Variants in LAMA2 observed in about 807,000 individuals in gnomAD.
LAMA2 encodes laminin subunit alpha-2.
LAMA2 carries 269 observed loss-of-function variants against 364.8 expected under a neutral mutation model. That is an observed-to-expected ratio of 0.74 (90% CI 0.67 to 0.82). LAMA2 has a LOEUF of 0.82. Among genes scored for constraint, LAMA2 ranks in the 40% least tolerant of loss-of-function variants. The pLI, the probability that LAMA2 is intolerant of heterozygous loss-of-function variation, is 0.00. For missense variants in LAMA2, 3,807 were observed against 3,873.2 expected (o/e 0.98, Z 0.45); for synonymous variants, 1,379 against 1,370.6 (o/e 1.01, Z -0.14).
chr6:129,451,834 C>G (rs1782690851), intron 45 of LAMA2, among the ~76,000 whole-genome samples: 1 of 152,142 alleles, frequency 6.6e-6, no homozygotes, highest in Admixed American at 6.5e-5. Context: ...GGAGACACCT[C>G]CTGGTGTCAT....
chr6:129,054,233 A>C (rs1788304618), intron 2 of LAMA2, among the ~76,000 whole-genome samples: 1 of 152,214 alleles, frequency 6.6e-6, no homozygotes, highest in Non-Finnish European at 1.5e-5. Flanking sequence ...TAATCAGAAT[A>C]AAGTGGCAAT....
At chr6:129,264,632 A>G (rs1227452256) in intron 15 of LAMA2, among the ~76,000 whole-genome samples, 1 of 152,134 alleles carries the variant, frequency 6.6e-6, no homozygotes, top group East Asian at 1.9e-4. Context: ...GGAGCTCCTG[A>G]CGTTAAGAAG....
Position 129,478,718 on chromosome 6 carries a change from T to A in LAMA2, c.7477T>A (p.Ser2493Thr), listed in dbSNP as rs759762587. 2 of 1,613,380 alleles carry A rather than the reference T, an allele frequency of 1.2e-6. No individual in the cohort carries two copies. The highest frequency in any genetic ancestry group is 1.7e-6 in the Non-Finnish European group (2 of 1,179,512). ...GCCAGAAGTAAATCTGAAGAAATAT[T>A]CCGGCTGCCTCAAAGATATTGAAAT... ...ARPEVNLKKY[S>T]GCLKDIEISR... Residue 2493 changes from serine (S) to threonine (T), a missense_variant, in exon 54 of 65, where the codon TCC becomes ACC. Ser to Thr is a moderately conservative substitution (Grantham distance 58, BLOSUM62 1). Transcript: ENST00000421865.
chr6:129,457,649 A>C (rs1442515013), intron 48 of LAMA2, among the ~76,000 whole-genome samples: 3 of 152,070 alleles, frequency 2.0e-5, no homozygotes, highest in Admixed American at 6.6e-5. Flanking sequence ...ATTTACATGA[A>C]TTAACTTGTT....
At chr6:129,419,643 G>C (rs887079080) in intron 40 of LAMA2, among the ~76,000 whole-genome samples, 19 of 152,198 alleles carry the variant, frequency 1.2e-4, no homozygotes, top group African/African-American at 4.1e-4. Context: ...CCTTCTTGGT[G>C]TTCCCATAAA....
intron 1 of LAMA2, among the ~76,000 whole-genome samples, chr6:128,977,018 G>A (rs1782569555): frequency 6.6e-6 from 1 of 152,124 alleles, no homozygotes; most frequent in South Asian, 2.1e-4. Context: ...TGTGTTTATG[G>A]ATATATTTTA....
intron 17 of LAMA2, among the ~76,000 whole-genome samples, chr6:129,271,278 C>T (rs1787914872): frequency 6.6e-6 from 1 of 151,898 alleles, no homozygotes; most frequent in Non-Finnish European, 1.5e-5. Context: ...AGAACAACCA[C>T]CTCTTAGAGC....
At chr6:129,264,939 A>G (rs1453498943) in intron 15 of LAMA2, among the ~76,000 whole-genome samples, 1 of 152,172 alleles carries the variant, frequency 6.6e-6, no homozygotes, top group Non-Finnish European at 1.5e-5. Flanking sequence ...GTTACTGAAA[A>G]GAAAAACATA....
chr6:129,010,497 G>A (rs1038913121), intron 1 of LAMA2, among the ~76,000 whole-genome samples: 8 of 152,112 alleles, frequency 5.3e-5, no homozygotes, highest in Non-Finnish European at 1.0e-4. Context: ...CAAGAGAAAA[G>A]GGATTTAAAA....
At chr6:128,929,258 A>ATGGCTAAG in intron 1 of LAMA2, 4 of 1,415,006 alleles carry the variant, frequency 2.8e-6, no homozygotes, top group Non-Finnish European at 4.0e-6. Context: ...GAGACCGTCA[A>ATGGCTAAG]TGGCTAAGTT....
At chr6:129,144,653 C>T (rs761229331) in intron 5 of LAMA2, among the ~76,000 whole-genome samples, 6 of 151,930 alleles carry the variant, frequency 3.9e-5, no homozygotes, top group African/African-American at 9.7e-5. Flanking sequence ...GCTGATGTTG[C>T]CGGTTTGTGG....
At chr6:129,095,282 A>G (rs1278718914) in intron 3 of LAMA2, among the ~76,000 whole-genome samples, 1 of 152,184 alleles carries the variant, frequency 6.6e-6, no homozygotes, top group African/African-American at 2.4e-5. Context: ...GAAACAAAAG[A>G]CATCATTCTA....
intron 1 of LAMA2, among the ~76,000 whole-genome samples, chr6:128,995,613 C>T (rs139897990): frequency 1.4e-3 from 209 of 152,310 alleles, no homozygotes; most frequent in African/African-American, 4.7e-3. Flanking sequence ...CATGAACCAC[C>T]GCACCTGGCC....
At chr6:129,139,999 A>C (rs946297726) in intron 4 of LAMA2, among the ~76,000 whole-genome samples, 1 of 152,156 alleles carries the variant, frequency 6.6e-6, no homozygotes, top group African/African-American at 2.4e-5. Flanking sequence ...ATGATCTTTC[A>C]GTAGCCTTCA....
chr6:129,068,791 T>G (rs1341548261), intron 3 of LAMA2, among the ~76,000 whole-genome samples: 2 of 152,238 alleles, frequency 1.3e-5, no homozygotes, highest in African/African-American at 2.4e-5. Flanking sequence ...AAAAGAGATG[T>G]TAATTATTTT....
At chr6:129,207,790 A>C (rs1312395123) in intron 12 of LAMA2, among the ~76,000 whole-genome samples, 1 of 151,166 alleles carries the variant, frequency 6.6e-6, no homozygotes, top group Admixed American at 6.6e-5. Flanking sequence ...ACCCCTGAGA[A>C]AAAAAAAAAC....
At position 129,516,464 on chromosome 6, in the gene LAMA2, C is replaced by CTTTCTGTATTCAGA. The variant is rs1562647975; in HGVS notation, c.*119_*132dup. 9.4e-7 allele frequency: 1 copy of CTTTCTGTATTCAGA among 1,068,716 alleles called. No individual in the cohort carries two copies. Among genetic ancestry groups the CTTTCTGTATTCAGA allele is most frequent in the Non-Finnish European group, 1.4e-6 (1 of 711,974 alleles). The allele number at this position is 1,068,716 out of a possible 1,614,324, so 66.2% of individuals were successfully genotyped here. Reference sequence around the variant, plus strand: ...CTAATTTGTGCATGTACATAGAATTCTTTCTGTATTCAGATGGTGCTAATT... The same window carrying CTTTCTGTATTCAGA: ...CTAATTTGTGCATGTACATAGAATTCTTTCTGTATTCAGATTTCTGTATTCAGATGGTGCTAATT... On this transcript the variant is annotated 3_prime_UTR_variant, in exon 65 of 65. Coordinates refer to ENST00000421865, the MANE Select transcript of LAMA2 (RefSeq NM_000426.4).
At chr6:129,070,857 A>G (rs998304519) in intron 3 of LAMA2, among the ~76,000 whole-genome samples, 11 of 152,188 alleles carry the variant, frequency 7.2e-5, no homozygotes, top group African/African-American at 2.2e-4. Flanking sequence ...TAAGTGAAGC[A>G]TGTACACAGA....
chr6:129,045,554 AAATT>A (rs1435987151), intron 1 of LAMA2, among the ~76,000 whole-genome samples: 1 of 152,216 alleles, frequency 6.6e-6, no homozygotes, highest in Non-Finnish European at 1.5e-5. Flanking sequence ...AGAATTAATA[AAATT>A]TATACAATGG....
Sources: allele counts gnomAD v4.1 joint callset (sites outside exome capture counted in the v4.1 genomes callset), GRCh38; gene constraint gnomAD v4.1.1; transcripts MANE v1.5; gene names NCBI Gene and HGNC (gene_info 2026-07-23, HGNC 2026-07-21).